The following TSBP1 variants were observed in gnomAD, a reference collection of about 807,000 sequenced individuals.
The protein encoded by TSBP1 is testis-expressed basic protein 1.
TSBP1 carries 56 observed loss-of-function variants against 68.8 expected under a neutral mutation model. That is an observed-to-expected ratio of 0.81 (90% CI 0.66 to 1.02). TSBP1 has a LOEUF of 1.02. TSBP1 is among the 50% of genes least tolerant of loss of function. TSBP1 has a pLI of 0.00. For missense variants in TSBP1, 502 were observed against 641.2 expected (o/e 0.78, Z 2.34); for synonymous variants, 171 against 208.7 (o/e 0.82, Z 1.56).
At position 32,293,992 on chromosome 6, in the gene TSBP1, A is replaced by AG. The variant is rs759143582; in HGVS notation, c.680dup (p.Cys228LeufsTer18). ...ATTTTAGAATCTGGATTTTGGAACA[A>AG]GATTTTTTTGCAAGTTCTTCATCCA... On this transcript the variant is annotated frameshift_variant, in exon 23 of 23. Coordinates refer to ENST00000612031, the Ensembl canonical transcript of TSBP1. LOFTEE classifies it low-confidence loss of function (END_TRUNC). 12 of 1,612,102 alleles carry AG rather than the reference A, an allele frequency of 7.4e-6. No individual in the cohort carries two copies. Among genetic ancestry groups the AG allele is most frequent in the East Asian group, 2.2e-5 (1 of 44,886 alleles).
At chr6:32,341,525 A>G (rs1321984269) in intron 9 of TSBP1, among the ~76,000 whole-genome samples, 1 of 152,168 alleles carries the variant, frequency 6.6e-6, no homozygotes, top group Non-Finnish European at 1.5e-5. Context: ...TGACCAAACA[A>G]AACACATCTA....
chr6:32,350,952 A>G (rs2143463), intron 8 of TSBP1, among the ~76,000 whole-genome samples: 51,110 of 151,974 alleles, frequency 0.34, 9,650 homozygotes, highest in Middle Eastern at 0.52. Flanking sequence ...AAGCAAGGAA[A>G]CAGATTTGTT....
At chr6:32,293,030 C>T (rs149618593) in exon 23 of TSBP1, 417 of 1,611,856 alleles carry the variant, frequency 2.6e-4, no homozygotes, top group Non-Finnish European at 2.9e-4. Flanking sequence ...TGCCTTCGCC[C>T]TTTTCGAGCC....
chr6:32,371,754 G>A (rs747289259), exon 1 of TSBP1: 2 of 1,612,612 alleles, frequency 1.2e-6, no homozygotes, highest in Non-Finnish European at 1.7e-6. Context: ...GGATTTCTTT[G>A]TCAGAGAGAG....
chr6:32,346,959 T>C (rs1273615691), intron 9 of TSBP1, among the ~76,000 whole-genome samples: 2 of 152,216 alleles, frequency 1.3e-5, no homozygotes, highest in Non-Finnish European at 2.9e-5. Flanking sequence ...TAATGTGTTA[T>C]ATTTGACATT....
In TSBP1 at chr6:32,323,101, G is replaced by T. The variant is rs1199851154; in HGVS notation, c.559+16C>A. On this transcript the variant is annotated intron_variant, in intron 18 of 22. Coordinates refer to ENST00000612031, the Ensembl canonical transcript of TSBP1. Reference sequence around the variant, plus strand: ...ACCATAGAGAACCAAAGAAGAAAAAGAGATGTTATACTTACTTATGGGTGC... The same window carrying T: ...ACCATAGAGAACCAAAGAAGAAAAATAGATGTTATACTTACTTATGGGTGC... 2.6e-6 allele frequency: 4 copies of T among 1,563,056 alleles called. No individual in the cohort carries two copies. In the African/African-American group the frequency reaches 5.4e-5, roughly 21 times the overall value.
chr6:32,313,091 C>G (rs1766573804), intron 19 of TSBP1, among the ~76,000 whole-genome samples: 1 of 152,200 alleles, frequency 6.6e-6, no homozygotes, highest in African/African-American at 2.4e-5. Context: ...CTGGCCCTAC[C>G]TCCTGCTCTG....
Position 32,357,768 on chromosome 6 carries a change from G to A in TSBP1, c.218-2099C>T, listed in dbSNP as rs1772509082. Among the ~76,000 whole-genome samples the A allele has an allele frequency of 6.6e-6, 1 of 152,192 alleles. No individual in the cohort carries two copies. Among genetic ancestry groups the A allele is most frequent in the Admixed American group, 6.5e-5 (1 of 15,274 alleles). On this transcript the variant is annotated intron_variant, in intron 6 of 22. Coordinates refer to ENST00000612031, the Ensembl canonical transcript of TSBP1. The surrounding 1 kb of genome is among the most constrained non-coding windows in gnomAD (Gnocchi z 4.7). Reference sequence around the variant, plus strand: ...TATCATTCCAAGGTAGATAGTCTGAGCAATTAGGTGAATACAGGTGCTAGC... The same window carrying A: ...TATCATTCCAAGGTAGATAGTCTGAACAATTAGGTGAATACAGGTGCTAGC...
chr6:32,332,262 C>T (rs1769120031), intron 14 of TSBP1, among the ~76,000 whole-genome samples: 1 of 151,970 alleles, frequency 6.6e-6, no homozygotes, highest in African/African-American at 2.4e-5. Context: ...ATATTTCAGC[C>T]CAAGGTGAAG....
intron 10 of TSBP1, among the ~76,000 whole-genome samples, 153 bp from the exon 12 acceptor site, chr6:32,339,152 C>T (rs577524426): frequency 6.6e-6 from 1 of 152,234 alleles, no homozygotes; most frequent in East Asian, 1.9e-4. Flanking sequence ...CCTTAGGAGA[C>T]TGTTAAAATC....
intron 19 of TSBP1, among the ~76,000 whole-genome samples, chr6:32,308,529 C>T (rs1257503651): frequency 7.1e-6 from 1 of 141,710 alleles, no homozygotes; most frequent in Non-Finnish European, 1.5e-5. Flanking sequence ...ACCCGGGAGG[C>T]GGAGCTTGCA....
intron 20 of TSBP1, 152 bp from the exon 24 acceptor site, chr6:32,300,852 T>C (rs960521080): frequency 2.9e-6 from 2 of 687,934 alleles, no homozygotes; most frequent in Non-Finnish European, 5.2e-6. Flanking sequence ...CCCCCTTCTC[T>C]TTGCCCAGTG....
Position 32,357,275 on chromosome 6 carries a change from G to A in TSBP1, c.218-1606C>T, listed in dbSNP as rs1772456373. 6.6e-6 allele frequency among the ~76,000 whole-genome samples: 1 copy of A among 152,124 alleles called. No individual in the cohort carries two copies. The highest frequency in any genetic ancestry group is 2.4e-5 in the African/African-American group (1 of 41,420). Reference sequence around the variant, plus strand: ...TAAGAATGCAAGGGAGCCCAGATTAGAAAGATACTAAGATTGTAGGCTTGT... The same window carrying A: ...TAAGAATGCAAGGGAGCCCAGATTAAAAAGATACTAAGATTGTAGGCTTGT... On this transcript the variant is annotated intron_variant, in intron 6 of 22. Transcript: ENST00000612031. This position sits in a 1 kb window ranked among gnomAD's most constrained non-coding sequence, Gnocchi z 4.7.
intron 1 of TSBP1, among the ~76,000 whole-genome samples, chr6:32,370,849 A>T (rs2127670381): frequency 1.3e-5 from 1 of 76,206 alleles, no homozygotes; most frequent in South Asian, 7.2e-4. Context: ...GGGAGAAAAA[A>T]AAGAAAAGAG....
rs1436758266 is a variant in TSBP1, at chr6:32,340,508, A to C, written c.350-870T>G. On this transcript the variant is annotated intron_variant, in intron 9 of 22. Coordinates refer to ENST00000612031, the Ensembl canonical transcript of TSBP1. This position sits in a 1 kb window ranked among gnomAD's most constrained non-coding sequence, Gnocchi z 4.8. The stretch of plus-strand genomic sequence containing the variant: ...GCCACTCCTACCACCAAATAAAGAT[A>C]ATTTTAAAAGGACAGTTTTCATATA... Among the ~76,000 whole-genome samples the C allele has an allele frequency of 6.6e-6, 1 of 152,192 alleles. No individual in the cohort carries two copies. The highest frequency in any genetic ancestry group is 1.5e-5 in the Non-Finnish European group (1 of 68,036).
intron 1 of TSBP1, 127 bp from the exon 2 acceptor site, chr6:32,370,110 C>G (rs888096489): frequency 1.5e-6 from 1 of 670,416 alleles, no homozygotes; most frequent in Non-Finnish European, 2.7e-6. Flanking sequence ...TACTTCAACT[C>G]CTTTATTCTT....
At position 32,335,735 on chromosome 6, in the gene TSBP1, G is replaced by A. The variant is rs1769575380; in HGVS notation, c.451+177C>T. ...TTTGTAGTTTGTTTTTATTGGTGAG[G>A]TGTACATTCACACAGCTAATCATGA... On this transcript the variant is annotated intron_variant, in intron 13 of 22. Coordinates refer to ENST00000612031, the Ensembl canonical transcript of TSBP1. This position sits in a 1 kb window ranked among gnomAD's most constrained non-coding sequence, Gnocchi z 5.5. Among the ~76,000 whole-genome samples the A allele has an allele frequency of 6.6e-6, 1 of 152,162 alleles. No individual in the cohort carries two copies. The highest frequency in any genetic ancestry group is 6.5e-5 in the Admixed American group (1 of 15,270).
intron 6 of TSBP1, among the ~76,000 whole-genome samples, chr6:32,360,918 T>C (rs1169102494): frequency 1.3e-5 from 2 of 151,886 alleles, no homozygotes; most frequent in African/African-American, 4.8e-5. Flanking sequence ...CTAGGGTACA[T>C]GTGCACAATG....
chr6:32,351,339 G>A (rs897627074), intron 8 of TSBP1, among the ~76,000 whole-genome samples: 1 of 152,120 alleles, frequency 6.6e-6, no homozygotes, highest in Non-Finnish European at 1.5e-5. Context: ...GAAGATGGTG[G>A]AGTCATTAGT....
Sources: gnomAD v4.1 joint callset for allele counts (sites outside exome capture counted in the v4.1 genomes callset) on GRCh38, gnomAD v4.1.1 for gene constraint, Gnocchi (gnomAD v3.1) non-coding constraint, MANE v1.5 for transcripts, NCBI Gene and HGNC (gene_info 2026-07-23, HGNC 2026-07-21) for gene names.